SLC22A25: variants seen among roughly 807,000 people sequenced by gnomAD.
The protein encoded by SLC22A25 is MGI:2442751, MGI:2385316, MGI:3042283, MGI:3645714, MGI:3605624, MGI:2442750.
SLC22A25 carries 44 observed loss-of-function variants against 45.9 expected under a neutral mutation model. The ratio of observed to expected loss-of-function variants is 0.96; its 90% CI spans 0.75 to 1.23. The LOEUF (loss-of-function observed/expected upper bound fraction) is 1.23. Among genes scored for constraint, SLC22A25 ranks in the 50% most tolerant of loss-of-function variants. The probability of loss-of-function intolerance (pLI) is 0.00; values close to 1 mark genes in which losing one functional copy is unlikely to be tolerated. For synonymous variants in SLC22A25, 283 were observed against 238.6 expected, an observed-to-expected ratio of 1.19 and a Z score of -1.72; for missense variants, 800 against 666.4, an observed-to-expected ratio of 1.20 and a Z score of -2.21.
Position 63,229,561 on chromosome 11 carries a change from A to G in SLC22A25, c.92T>C (p.Val31Ala). 1 of 1,614,094 alleles carries G rather than the reference A, an allele frequency of 6.2e-7. No individual in the cohort carries two copies. The highest frequency in any genetic ancestry group is 8.5e-7 in the Non-Finnish European group (1 of 1,179,972). Residue 31 changes from valine (V) to alanine (A), a missense_variant, in exon 4 of 12, where the codon GTA becomes GCA. Physicochemically the swap from Val to Ala is moderately conservative, Grantham distance 64. Transcript: ENST00000306494. ...MVFLIMFNVI[V>A]YHQTQLENFA... Reference sequence around the variant, plus strand: ...GTTCTCCAGCTGAGTTTGATGGTATACTATGACGTTGAACATTATAAGGAA... The same window carrying G: ...GTTCTCCAGCTGAGTTTGATGGTATGCTATGACGTTGAACATTATAAGGAA...
At chr11:63,240,545 A>G (rs1315588120) in intron 1 of SLC22A25, among the ~76,000 whole-genome samples, 3 of 152,224 alleles carry the variant, frequency 2.0e-5, no homozygotes, top group African/African-American at 7.2e-5. Context: ...TAGTTTTTAA[A>G]AAACTTTTGA....
intron 9 of SLC22A25, among the ~76,000 whole-genome samples, chr11:63,175,250 A>G (rs1274084805): frequency 1.3e-5 from 2 of 152,104 alleles, no homozygotes; most frequent in Non-Finnish European, 2.9e-5. Flanking sequence ...ATTTTTCCAC[A>G]TTCTTGCCAA....
At chr11:63,214,351 G>A (rs1485149693) in intron 7 of SLC22A25, among the ~76,000 whole-genome samples, 2 of 152,180 alleles carry the variant, frequency 1.3e-5, no homozygotes, top group Admixed American at 1.3e-4. Flanking sequence ...AAACAGTGGT[G>A]CTTTCTATTA....
intron 7 of SLC22A25, among the ~76,000 whole-genome samples, chr11:63,194,943 G>A (rs1335770733): frequency 1.5e-4 from 14 of 94,206 alleles, no homozygotes; most frequent in African/African-American, 5.3e-4. Context: ...AAAAGCAGGG[G>A]TTGCAATCCT....
intron 9 of SLC22A25, chr11:63,168,003 G>T (rs762473150): frequency 2.7e-6 from 1 of 365,160 alleles, no homozygotes; most frequent in Admixed American, 3.0e-5. Context: ...TGCAACCTCC[G>T]CTGGTGATAC....
chr11:63,175,013 C>T (rs572419097), intron 9 of SLC22A25, among the ~76,000 whole-genome samples: 1 of 152,224 alleles, frequency 6.6e-6, no homozygotes, highest in African/African-American at 2.4e-5. Flanking sequence ...CCACATTTTA[C>T]TTATCCATAT....
chr11:63,163,859 T>C lies in SLC22A25; in HGVS notation c.1609A>G (p.Ser537Gly), dbSNP rs1357991218. 1 of 1,613,858 alleles carries C rather than the reference T, an allele frequency of 6.2e-7. No homozygotes were observed. The highest frequency in any genetic ancestry group is 2.2e-5 in the East Asian group (1 of 44,846). The change falls in exon 12 of 12, where the codon AGC (serine) becomes GGC (glycine). Residue 537 changes from serine (S) to glycine (G), a missense_variant. Ser to Gly is a moderately conservative substitution (Grantham distance 56, BLOSUM62 0). Transcript: ENST00000306494. ...GAGCTCCTCTGAGGGGCAGCTAGGC[T>C]ATTTACTCCCTCATTTTCCACATCC... The part of the protein sequence containing the change: ...IQDVENEGVN[S>G]LAAPQRSSVL
chr11:63,242,653 T>G (rs2090268625), intron 1 of SLC22A25, among the ~76,000 whole-genome samples: 2 of 152,176 alleles, frequency 1.3e-5, no homozygotes, highest in South Asian at 4.1e-4. Flanking sequence ...TTAATCTCCT[T>G]TGGCAACACC....
intron 9 of SLC22A25, among the ~76,000 whole-genome samples, chr11:63,172,521 C>A (rs994547433): frequency 1.1e-4 from 17 of 152,066 alleles, no homozygotes; most frequent in African/African-American, 1.9e-4. Flanking sequence ...ATGTGGCCAA[C>A]AAACATATGA....
intron 7 of SLC22A25, among the ~76,000 whole-genome samples, chr11:63,192,460 G>T (rs1196548539): frequency 4.6e-5 from 7 of 152,108 alleles, no homozygotes; most frequent in African/African-American, 7.2e-5. Flanking sequence ...TTAGCATCAT[G>T]ATGACAGGAT....
At chr11:63,194,347 C>G (rs933669759) in intron 7 of SLC22A25, among the ~76,000 whole-genome samples, 4 of 152,030 alleles carry the variant, frequency 2.6e-5, no homozygotes, top group Admixed American at 6.6e-5. Flanking sequence ...AGAGCAACCC[C>G]AAGACACATA....
intron 7 of SLC22A25, among the ~76,000 whole-genome samples, chr11:63,194,471 A>G (rs142858316): frequency 0.034 from 5,118 of 152,218 alleles, 118 homozygotes; most frequent in Non-Finnish European, 0.056. Flanking sequence ...ACTAAGCTTC[A>G]TAAGTGAAGG....
intron 7 of SLC22A25, among the ~76,000 whole-genome samples, chr11:63,190,108 G>C (rs1170638492): frequency 6.6e-6 from 1 of 152,290 alleles, no homozygotes; most frequent in East Asian, 1.9e-4. Flanking sequence ...CTAGATTGGG[G>C]AAGTTCTCCT....
chr11:63,164,559 G>C lies in SLC22A25; in HGVS notation c.1361C>G (p.Ala454Gly). The change falls in exon 11 of 12, where the codon GCC (alanine) becomes GGC (glycine). Residue 454 changes from alanine (A) to glycine (G), a missense_variant. Transcript: ENST00000306494. The part of the protein sequence containing the change: ...AASLGITCST[A>G]QENELIPSII... ...GGAAGGAATTAGTTCATTTTCTTGG[G>C]CAGTAGAACAGGTAATGCCAAGAGA... 6.2e-7 allele frequency: 1 copy of C among 1,613,728 alleles called. No individual in the cohort carries two copies. Among genetic ancestry groups the C allele is most frequent in the South Asian group, 1.1e-5 (1 of 91,072 alleles).
chr11:63,183,682 C>T lies in SLC22A25; in HGVS notation c.954+12G>A, dbSNP rs752479380. The T allele has an allele frequency of 6.8e-6, 11 of 1,612,342 alleles. No homozygotes were observed. Among genetic ancestry groups the T allele is most frequent in the Non-Finnish European group, 6.8e-6 (8 of 1,178,846 alleles). On this transcript the variant is annotated intron_variant, in intron 8 of 11. Transcript: ENST00000306494. ...TTCCCAGCATCCCATATCCAGCTCC[C>T]GTCTTGCTTACCTCCATGGTTAGGA...
chr11:63,172,364 C>G (rs754478189), intron 9 of SLC22A25, among the ~76,000 whole-genome samples: 1 of 152,144 alleles, frequency 6.6e-6, no homozygotes, highest in Non-Finnish European at 1.5e-5. Context: ...AGGCAACCTA[C>G]AGAATGGGAT....
At chr11:63,237,042 T>C (rs566324240) in intron 3 of SLC22A25, among the ~76,000 whole-genome samples, 2 of 152,306 alleles carry the variant, frequency 1.3e-5, no homozygotes, top group Admixed American at 6.5e-5. Flanking sequence ...CCTAAACTCA[T>C]GTTGAAATTT....
Position 63,243,519 on chromosome 11 carries a change from T to C in SLC22A25, c.-1081A>G. 1.3e-6 allele frequency: 1 copy of C among 762,276 alleles called. No homozygotes were observed. 47.2% of individuals were successfully genotyped at this position (762,276 alleles called of 1,614,324 possible). On this transcript the variant is annotated 5_prime_UTR_variant, in exon 1 of 12. Coordinates refer to ENST00000306494, the MANE Select transcript of SLC22A25 (RefSeq NM_199352.6). ...GTCTGCATGTTCCTGGCCTCCAGGC[T>C]CAAAGAGTCCAGCCCACTGACTGCC...
rs1490291104 is a variant in SLC22A25 at position 63,182,704 on chromosome 11, G to C, written c.954+990C>G. Among the ~76,000 whole-genome samples the C allele has an allele frequency of 2.0e-5, 3 of 151,888 alleles. No individual in the cohort carries two copies. In the East Asian group the frequency reaches 5.8e-4, roughly 29 times the overall value. Reference sequence around the variant, plus strand: ...CCTTCTGTTGAACGTTAACTCACAGGAAGATTTTCAGGCTTCTTATTTCAA... The same window carrying C: ...CCTTCTGTTGAACGTTAACTCACAGCAAGATTTTCAGGCTTCTTATTTCAA... On this transcript the variant is annotated intron_variant, in intron 8 of 11. Coordinates refer to ENST00000306494, the MANE Select transcript of SLC22A25 (RefSeq NM_199352.6).
Sources: allele counts gnomAD v4.1 joint callset (sites outside exome capture counted in the v4.1 genomes callset), GRCh38; gene constraint gnomAD v4.1.1; transcripts MANE v1.5; gene names NCBI Gene and HGNC (gene_info 2026-07-23, HGNC 2026-07-21).